The following NIPBL variants were observed in gnomAD, a reference collection of about 807,000 sequenced individuals.
The protein encoded by NIPBL is nipped-B-like protein.
NIPBL carries 19 observed loss-of-function variants against 321.8 expected under a neutral mutation model. That is an observed-to-expected ratio of 0.06 (90% CI 0.04 to 0.09). The LOEUF is 0.09. Ranked by LOEUF, NIPBL falls within the 10% of genes least tolerant of loss-of-function variation. The pLI, the probability that NIPBL is intolerant of heterozygous loss-of-function variation, is 1.00. For synonymous variants in NIPBL, 1,106 were observed against 1,114.1 expected (o/e 0.99, Z 0.14); for missense variants, 2,210 against 3,327.0 (o/e 0.66, Z 8.26).
At chr5:37,040,643 A>G (rs1752233473) in intron 34 of NIPBL, among the ~76,000 whole-genome samples, 2 of 152,202 alleles carry the variant, frequency 1.3e-5, no homozygotes, top group Non-Finnish European at 2.9e-5. Flanking sequence ...CACCACTACA[A>G]ACAATTTTTA....
At chr5:37,038,474 A>T in intron 33 of NIPBL, 128 bp from the exon 34 acceptor site, 1 of 685,824 alleles carries the variant, frequency 1.5e-6, no homozygotes, top group African/African-American at 1.8e-5. Context: ...AAGAACTACT[A>T]ATTCATTATA....
chr5:37,024,594 A>G lies in NIPBL; in HGVS notation c.5584A>G (p.Ile1862Val). 1 of 1,603,692 alleles carries G rather than the reference A, an allele frequency of 6.2e-7. No individual in the cohort carries two copies. The highest frequency in any genetic ancestry group is 8.5e-7 in the Non-Finnish European group (1 of 1,171,724). The change falls in exon 30 of 47, where the codon ATC becomes GTC. Residue 1862 changes from isoleucine to valine, a missense_variant. Coordinates refer to ENST00000282516, the MANE Select transcript of NIPBL (RefSeq NM_133433.4). ...ACCTTTCTGTTTTTAGGATACTGGT[A>G]TCAGTGTCAGGAAAAGAGTAATAAA... Reference protein sequence around the residue: ...MLIERILDTGISVRKRVIKIL... With the variant: ...MLIERILDTGVSVRKRVIKIL...
At chr5:37,010,886 A>G (rs964790264) in intron 21 of NIPBL, among the ~76,000 whole-genome samples, 1 of 152,214 alleles carries the variant, frequency 6.6e-6, no homozygotes, top group Non-Finnish European at 1.5e-5. Context: ...TCCCTGATCC[A>G]AAAATCTAAA....
chr5:37,011,460 C>A (rs947410479), intron 21 of NIPBL, among the ~76,000 whole-genome samples: 1 of 152,276 alleles, frequency 6.6e-6, no homozygotes, highest in Admixed American at 6.5e-5. Context: ...GAGGCTGAAA[C>A]AGGAGGGTCG....
rs573711664 is a variant in NIPBL at position 36,894,946 on chromosome 5, C to A, written c.-80+17768C>A. ...GCAACAGGCTTGTAGCAAGTGTTTG[C>A]TGATAACTGGTGTAGCTCATCTGGA... On this transcript the variant is annotated intron_variant, in intron 1 of 46. Transcript: ENST00000282516. 8.5e-5 allele frequency among the ~76,000 whole-genome samples: 13 copies of A among 152,300 alleles called. No homozygotes were observed. In the South Asian group the frequency reaches 2.7e-3, roughly 32 times the overall value.
intron 14 of NIPBL, 121 bp downstream of exon 14, chr5:37,001,199 A>G (rs570988145): frequency 1.4e-6 from 1 of 707,422 alleles, no homozygotes; most frequent in Admixed American, 2.2e-5. Flanking sequence ...TGTTGTTGTG[A>G]TCACTTGTTG....
intron 39 of NIPBL, 125 bp from the exon 40 acceptor site, chr5:37,048,984 AAG>A: frequency 2.2e-6 from 2 of 929,156 alleles, no homozygotes; most frequent in Non-Finnish European, 3.5e-6. Flanking sequence ...CACACAGATT[AAG>A]AACCATTGAG....
intron 32 of NIPBL, among the ~76,000 whole-genome samples, chr5:37,030,600 G>T (rs1368540971): frequency 1.3e-5 from 2 of 151,924 alleles, no homozygotes; most frequent in African/African-American, 4.8e-5. Context: ...TTTTGGATTG[G>T]GTTTTTGGGG....
intron 30 of NIPBL, among the ~76,000 whole-genome samples, chr5:37,025,405 A>C (rs950601036): frequency 7.9e-5 from 12 of 152,218 alleles, no homozygotes; most frequent in African/African-American, 2.9e-4. Context: ...TGTTAAGTGA[A>C]ATAAGCCAGA....
intron 1 of NIPBL, among the ~76,000 whole-genome samples, chr5:36,941,171 A>C (rs536553333): frequency 2.9e-4 from 43 of 149,948 alleles, no homozygotes; most frequent in Admixed American, 9.9e-4. Flanking sequence ...ACATAGGTAA[A>C]GAGAGATTAA....
chr5:36,987,549 G>C (rs143762122), intron 10 of NIPBL, among the ~76,000 whole-genome samples: 17 of 152,246 alleles, frequency 1.1e-4, no homozygotes, highest in African/African-American at 4.1e-4. Context: ...AAAGCTCTTT[G>C]AAAACATATT....
intron 1 of NIPBL, among the ~76,000 whole-genome samples, chr5:36,935,798 T>C (rs1738343717): frequency 6.6e-6 from 1 of 152,096 alleles, no homozygotes; most frequent in South Asian, 2.1e-4. Context: ...AAAGAGTCTT[T>C]CCTTGCCTCT....
At chr5:37,030,385 A>G (rs1163000864) in intron 32 of NIPBL, among the ~76,000 whole-genome samples, 1 of 152,156 alleles carries the variant, frequency 6.6e-6, no homozygotes, top group Admixed American at 6.5e-5. Flanking sequence ...ACTCATATAT[A>G]TATATATGAC....
At chr5:36,955,335 T>G (rs1740820301) in intron 2 of NIPBL, 137 bp from the exon 3 acceptor site, 7 of 732,666 alleles carry the variant, frequency 9.6e-6, no homozygotes, top group South Asian at 9.5e-5. Flanking sequence ...TGAGGTTTGT[T>G]AGGAAGAGGA....
At position 36,926,826 on chromosome 5, in the gene NIPBL, C is replaced by T. The variant is rs149675335; in HGVS notation, c.-79-26792C>T. Among the ~76,000 whole-genome samples the T allele has an allele frequency of 5.5e-3, 834 of 152,096 alleles. 8 individuals are homozygous for T. Among genetic ancestry groups the T allele is most frequent in the Middle Eastern group, 0.024 (7 of 294 alleles). On this transcript the variant is annotated intron_variant, in intron 1 of 46. Transcript: ENST00000282516. ...TAATCATGTGGTTTTTAATCTGCCA[C>T]ATTGAATTAAACCAATTATTTTAGA... is the stretch of plus-strand genomic sequence containing the variant.
chr5:36,906,424 A>C (rs1338147716), intron 1 of NIPBL, among the ~76,000 whole-genome samples: 1 of 152,206 alleles, frequency 6.6e-6, no homozygotes, highest in Non-Finnish European at 1.5e-5. Context: ...CTGGGGTTAC[A>C]TAATTTATCA....
At chr5:37,045,975 A>G in intron 37 of NIPBL, 134 bp from the exon 38 acceptor site, 3 of 624,394 alleles carry the variant, frequency 4.8e-6, no homozygotes, top group South Asian at 2.0e-5. Context: ...TCTAAAATAA[A>G]TGGAATTGGT....
At chr5:37,023,529 ACACTT>A (rs797005525) in intron 29 of NIPBL, among the ~76,000 whole-genome samples, 19 of 152,208 alleles carry the variant, frequency 1.2e-4, no homozygotes, top group African/African-American at 4.3e-4. Context: ...TTTCTTGTGA[ACACTT>A]CAGTTTGTAA....
chr5:36,901,770 A>G (rs1166709324), intron 1 of NIPBL, among the ~76,000 whole-genome samples: 1 of 151,900 alleles, frequency 6.6e-6, no homozygotes, highest in Non-Finnish European at 1.5e-5. Flanking sequence ...CTGCCTCCCA[A>G]AGTGCTAGGA....
Sources: allele counts gnomAD v4.1 joint callset (sites outside exome capture counted in the v4.1 genomes callset), GRCh38; gene constraint gnomAD v4.1.1; transcripts MANE v1.5; gene names NCBI Gene and HGNC (gene_info 2026-07-23, HGNC 2026-07-21).